The following RBFOX1 variants were observed in gnomAD, a reference collection of about 807,000 sequenced individuals.
RBFOX1 encodes RNA binding fox-1 homolog 1, also known as RNA binding protein fox-1 homolog 1.
Under a neutral mutation model 57.7 loss-of-function variants are expected in RBFOX1, and 8 were observed. The ratio of observed to expected loss-of-function variants is 0.14; its 90% CI spans 0.08 to 0.25. The LOEUF (loss-of-function observed/expected upper bound fraction) is 0.25, where lower values mean the gene tolerates loss of function less well. Ranked by LOEUF, RBFOX1 falls within the 10% of genes least tolerant of loss-of-function variation. The pLI is 1.00. For synonymous variants in RBFOX1, 326 were observed against 222.4 expected, an observed-to-expected ratio of 1.47 and a Z score of -4.15; for missense variants, 611 against 548.5, an observed-to-expected ratio of 1.11 and a Z score of -1.14.
chr16:6,847,348 A>C (rs955911701), intron 3 of RBFOX1, among the ~76,000 whole-genome samples: 1 of 152,128 alleles, frequency 6.6e-6, no homozygotes, highest in African/African-American at 2.4e-5. Context: ...TGTCCTCACA[A>C]CTGCAAGGGG....
At chr16:6,924,860 C>G (rs1238467825) in intron 3 of RBFOX1, among the ~76,000 whole-genome samples, 1 of 133,184 alleles carries the variant, frequency 7.5e-6, no homozygotes, top group Non-Finnish European at 1.6e-5. Flanking sequence ...ACAACAGTCC[C>G]TGGTGTGTGA....
At chr16:7,552,427 C>T (rs1005861951) in intron 5 of RBFOX1, among the ~76,000 whole-genome samples, 1 of 152,102 alleles carries the variant, frequency 6.6e-6, no homozygotes, top group Non-Finnish European at 1.5e-5. Flanking sequence ...TTTCTGGAAG[C>T]CTTTTCTTTA....
rs2095531608 is a variant in RBFOX1 at position 7,280,982 on chromosome 16, TCCC to T, written c.27+228885_27+228887del. On this transcript the variant is annotated intron_variant, in intron 4 of 15. Coordinates refer to ENST00000550418, the MANE Select transcript of RBFOX1 (RefSeq NM_018723.4). ...CTCCCTCCCTCCCTCCCTCCCTCCCTCCCTCCCTCCTTCCTTCCTTCCTTCCTT... is the reference window on the plus strand; with the variant it reads ...CTCCCTCCCTCCCTCCCTCCCTCCCTTCCCTCCTTCCTTCCTTCCTTCCTT... Among the ~76,000 whole-genome samples the T allele has an allele frequency of 1.8e-4, 5 of 28,314 alleles. No homozygotes were observed. The South Asian group carries it at 0.011, about 61-fold the overall frequency. 18.6% of individuals were successfully genotyped at this position (28,314 alleles called of 152,430 possible). A position where few individuals can be genotyped will look rare whatever the true frequency, so the allele number is the denominator to read the frequency against.
intron 4 of RBFOX1, among the ~76,000 whole-genome samples, chr16:7,261,163 C>G (rs561237609): frequency 6.6e-6 from 1 of 152,196 alleles, no homozygotes; most frequent in African/African-American, 2.4e-5. Flanking sequence ...GAGCTCCAGC[C>G]GCAGTTCTTG....
chr16:5,839,172 C>T (rs2056549674), intron 3 of RBFOX1, among the ~76,000 whole-genome samples: 1 of 152,192 alleles, frequency 6.6e-6, no homozygotes, highest in African/African-American at 2.4e-5. Context: ...AATTATCGTA[C>T]TCCAGAATTT....
chr16:6,848,555 G>A (rs916016389), intron 3 of RBFOX1, among the ~76,000 whole-genome samples: 2 of 151,466 alleles, frequency 1.3e-5, no homozygotes, highest in Non-Finnish European at 2.9e-5. Context: ...AAAAAGAAAA[G>A]AAGAGATAGA....
At chr16:5,564,104 C>G (rs572898357) in intron 2 of RBFOX1, among the ~76,000 whole-genome samples, 1 of 152,172 alleles carries the variant, frequency 6.6e-6, no homozygotes, top group South Asian at 2.1e-4. Flanking sequence ...ACCTCCACCT[C>G]CCAGGTTCAA....
intron 1 of RBFOX1, among the ~76,000 whole-genome samples, chr16:6,223,419 T>C (rs1441418566): frequency 4.1e-5 from 6 of 146,376 alleles, no homozygotes; most frequent in Non-Finnish European, 7.7e-5. Flanking sequence ...GGTATCTCAT[T>C]GTGGTTTTGA....
chr16:6,357,476 A>G (rs1480550196), intron 2 of RBFOX1, among the ~76,000 whole-genome samples: 1 of 152,052 alleles, frequency 6.6e-6, no homozygotes, highest in African/African-American at 2.4e-5. Context: ...TTTCTGTTCC[A>G]AGGATAAGGG....
intron 1 of RBFOX1, among the ~76,000 whole-genome samples, chr16:5,280,374 C>T (rs899505667): frequency 3.9e-5 from 6 of 152,018 alleles, no homozygotes; most frequent in South Asian, 2.1e-4. Context: ...TGTGTGTATT[C>T]GGAATATTGG....
intron 4 of RBFOX1, among the ~76,000 whole-genome samples, chr16:7,324,371 G>C (rs1291540549): frequency 7.2e-6 from 1 of 139,506 alleles, no homozygotes; most frequent in Non-Finnish European, 1.7e-5. Context: ...GCTCCTGTAG[G>C]GTCCTGGAGC....
At chr16:6,633,718 C>T (rs369618889) in intron 2 of RBFOX1, among the ~76,000 whole-genome samples, 3 of 152,178 alleles carry the variant, frequency 2.0e-5, no homozygotes, top group East Asian at 3.9e-4. Flanking sequence ...ACTTTGGAAT[C>T]GAGGCTCTAG....
intron 3 of RBFOX1, among the ~76,000 whole-genome samples, chr16:6,738,491 A>G (rs1220796236): frequency 6.6e-6 from 1 of 152,210 alleles, no homozygotes; most frequent in Non-Finnish European, 1.5e-5. Flanking sequence ...TCTGTGAAGC[A>G]AAAACATGTA....
intron 1 of RBFOX1, among the ~76,000 whole-genome samples, chr16:6,071,014 A>G (rs1465723879): frequency 1.3e-5 from 2 of 152,182 alleles, no homozygotes; most frequent in African/African-American, 2.4e-5. Flanking sequence ...AGGGATCACC[A>G]AATTTTATAC....
At chr16:5,333,641 T>G (rs758396759) in intron 1 of RBFOX1, among the ~76,000 whole-genome samples, 1 of 152,166 alleles carries the variant, frequency 6.6e-6, no homozygotes, top group Non-Finnish European at 1.5e-5. Context: ...CGGGGACGTG[T>G]TCTGAGAATT....
intron 1 of RBFOX1, among the ~76,000 whole-genome samples, chr16:5,451,093 C>T (rs2068413812): frequency 2.0e-5 from 3 of 152,176 alleles, no homozygotes; most frequent in African/African-American, 2.4e-5. Context: ...AAATATCCAA[C>T]GGATTGAGTC....
chr16:6,626,100 T>C (rs1331704770), intron 2 of RBFOX1, among the ~76,000 whole-genome samples: 2 of 152,166 alleles, frequency 1.3e-5, no homozygotes, highest in East Asian at 3.9e-4. Flanking sequence ...CGTCTCTTAG[T>C]TTTGTACCAA....
chr16:5,813,846 A>G (rs536214637), intron 3 of RBFOX1, among the ~76,000 whole-genome samples: 1 of 152,320 alleles, frequency 6.6e-6, no homozygotes, highest in South Asian at 2.1e-4. Flanking sequence ...ACTTAGTTAA[A>G]GCCCTTTATA....
At chr16:7,074,903 A>T (rs115157288) in intron 4 of RBFOX1, among the ~76,000 whole-genome samples, 1 of 152,188 alleles carries the variant, frequency 6.6e-6, no homozygotes, top group Non-Finnish European at 1.5e-5. Flanking sequence ...GCCATCCCCC[A>T]GTGAGACATT....
Sources: gnomAD v4.1 joint callset for allele counts (sites outside exome capture counted in the v4.1 genomes callset) on GRCh38, gnomAD v4.1.1 for gene constraint, MANE v1.5 for transcripts, NCBI Gene and HGNC (gene_info 2026-07-23, HGNC 2026-07-21) for gene names.